PTPRD: variants seen among roughly 807,000 people sequenced by gnomAD.
PTPRD encodes protein tyrosine phosphatase receptor type D.
PTPRD carries 34 observed loss-of-function variants against 214.5 expected under a neutral mutation model. That is an observed-to-expected ratio of 0.16 (90% confidence interval 0.12 to 0.21). The LOEUF (loss-of-function observed/expected upper bound fraction) is 0.21. Ranked by LOEUF, PTPRD falls within the 10% of genes least tolerant of loss-of-function variation. The pLI, the probability that PTPRD is intolerant of heterozygous loss-of-function variation, is 1.00. For synonymous variants in PTPRD, 1,128 were observed against 845.7 expected, an observed-to-expected ratio of 1.33 and a Z score of -5.79; for missense variants, 2,545 against 2,398.7, an observed-to-expected ratio of 1.06 and a Z score of -1.27.
intron 20 of PTPRD, among the ~76,000 whole-genome samples, chr9:8,520,920 C>G (rs1379210487): frequency 6.6e-6 from 1 of 151,598 alleles, no homozygotes; most frequent in Admixed American, 6.6e-5. Context: ...ATTGACTTTT[C>G]TTGGGGTTCT....
chr9:9,365,827 C>G (rs2057734356), intron 9 of PTPRD, among the ~76,000 whole-genome samples: 1 of 151,306 alleles, frequency 6.6e-6, no homozygotes, highest in South Asian at 2.1e-4. Context: ...ATCTATAACC[C>G]TTAGAATATC....
At chr9:8,647,483 A>G (rs370344999) in intron 12 of PTPRD, among the ~76,000 whole-genome samples, 2 of 152,200 alleles carry the variant, frequency 1.3e-5, no homozygotes, top group East Asian at 1.9e-4. Context: ...ATGACCACAA[A>G]TAAATTCATC....
At chr9:8,782,898 C>T (rs1037971386) in intron 11 of PTPRD, among the ~76,000 whole-genome samples, 4 of 152,076 alleles carry the variant, frequency 2.6e-5, no homozygotes, top group African/African-American at 9.7e-5. Flanking sequence ...GCCTGGCCTA[C>T]ACTTCTTTTT....
In PTPRD at chr9:9,435,924, G is replaced by C. The variant is rs1160266188; in HGVS notation, c.-236-38442C>G. 4.6e-5 allele frequency among the ~76,000 whole-genome samples: 7 copies of C among 152,114 alleles called. No individual in the cohort carries two copies. In the South Asian group the frequency reaches 8.3e-4, roughly 18 times the overall value. ...AGATGTCTGGCACAAAAAGTAAATA[G>C]TGTATGTATTAGAAACTTCTTTAGC... is the stretch of plus-strand genomic sequence containing the variant. On this transcript the variant is annotated intron_variant, in intron 8 of 45. Coordinates refer to ENST00000381196, the MANE Select transcript of PTPRD (RefSeq NM_002839.4).
chr9:8,536,179 CAT>C (rs2076888207), intron 14 of PTPRD, among the ~76,000 whole-genome samples: 1 of 151,818 alleles, frequency 6.6e-6, no homozygotes, highest in African/African-American at 2.4e-5. Flanking sequence ...TTTATTGTGT[CAT>C]GTTTCCTCTA....
rs371951111 is a variant in PTPRD, at chr9:9,968,378, C to T, written c.-471-29768G>A. On this transcript the variant is annotated intron_variant, in intron 4 of 45. Transcript: ENST00000381196. ...TTATTAAGAAACATATTTTAAGATA[C>T]GCTTTGAGTAAATGTAACAGCAAGA... 1.1e-3 allele frequency among the ~76,000 whole-genome samples: 172 copies of T among 152,230 alleles called. 4 individuals are homozygous for T. In the South Asian group the frequency reaches 0.033, roughly 29 times the overall value.
chr9:10,316,128 T>TAC (rs1356733968), intron 3 of PTPRD, among the ~76,000 whole-genome samples: 1 of 144,134 alleles, frequency 6.9e-6, no homozygotes, highest in South Asian at 2.2e-4. Flanking sequence ...TATATATATA[T>TAC]ACATATATAC....
chr9:9,514,881 C>T (rs1308593585), intron 8 of PTPRD, among the ~76,000 whole-genome samples: 1 of 152,022 alleles, frequency 6.6e-6, no homozygotes, highest in Non-Finnish European at 1.5e-5. Context: ...TTGGTGGTCT[C>T]TCATTAAATT....
In PTPRD at chr9:10,449,821, G is replaced by C. The variant is rs555511067; in HGVS notation, c.-599-108804C>G. ...AGAAAAGGGGGAAATGTGGGGAAAA[G>C]AAAGAGAGATCAGATTGTTACTGTG... On this transcript the variant is annotated intron_variant, in intron 2 of 45. Coordinates refer to ENST00000381196, the MANE Select transcript of PTPRD (RefSeq NM_002839.4). Among the ~76,000 whole-genome samples, 171 of 151,962 alleles carry C rather than the reference G, an allele frequency of 1.1e-3. 3 individuals carry two copies. Among genetic ancestry groups the C allele is most frequent in the Admixed American group, 3.3e-3 (50 of 15,296 alleles).
chr9:9,753,270 G>T (rs1026741549), intron 6 of PTPRD, among the ~76,000 whole-genome samples: 1 of 151,938 alleles, frequency 6.6e-6, no homozygotes, highest in Non-Finnish European at 1.5e-5. Flanking sequence ...TCATAGCCCA[G>T]AACCAAAACG....
chr9:10,061,189 A>G (rs2097772732), intron 3 of PTPRD, among the ~76,000 whole-genome samples: 1 of 151,944 alleles, frequency 6.6e-6, no homozygotes, highest in Non-Finnish European at 1.5e-5. Flanking sequence ...CTACCCTCCT[A>G]TGTAACAATG....
intron 14 of PTPRD, among the ~76,000 whole-genome samples, chr9:8,590,175 A>T (rs2154263229): frequency 6.6e-6 from 1 of 152,288 alleles, no homozygotes; most frequent in East Asian, 1.9e-4. Context: ...AATAGAAACC[A>T]GATGGTCCAA....
At chr9:8,495,093 C>T (rs2097232653) in intron 26 of PTPRD, among the ~76,000 whole-genome samples, 1 of 152,128 alleles carries the variant, frequency 6.6e-6, no homozygotes, top group South Asian at 2.1e-4. Context: ...GCCCATATTC[C>T]TGATTTATTT....
chr9:9,084,502 T>C (rs55993853), intron 10 of PTPRD, among the ~76,000 whole-genome samples: 1,926 of 152,246 alleles, frequency 0.013, 34 homozygotes, highest in African/African-American at 0.044. Flanking sequence ...TGTATACCTA[T>C]GTAACAAACC....
chr9:10,398,639 A>C (rs987153723), intron 2 of PTPRD, among the ~76,000 whole-genome samples: 1 of 152,000 alleles, frequency 6.6e-6, no homozygotes, highest in Non-Finnish European at 1.5e-5. Flanking sequence ...ATTCAGTGTA[A>C]AAATATATTT....
intron 3 of PTPRD, among the ~76,000 whole-genome samples, chr9:10,200,950 T>C (rs1239716218): frequency 6.6e-6 from 1 of 152,064 alleles, no homozygotes; most frequent in East Asian, 1.9e-4. Flanking sequence ...CATGAGTCAT[T>C]GGCACCTAGA....
intron 3 of PTPRD, among the ~76,000 whole-genome samples, chr9:10,155,252 G>C (rs1401443275): frequency 6.6e-6 from 1 of 151,944 alleles, no homozygotes; most frequent in Non-Finnish European, 1.5e-5. Flanking sequence ...CAGTTTGACG[G>C]TTATTGGCAT....
intron 5 of PTPRD, among the ~76,000 whole-genome samples, chr9:9,848,294 A>G (rs911614771): frequency 6.6e-6 from 1 of 152,084 alleles, no homozygotes; most frequent in Non-Finnish European, 1.5e-5. Flanking sequence ...CCTTAATGCT[A>G]TATCTTAGCT....
chr9:10,489,420 G>C (rs997877181), intron 2 of PTPRD, among the ~76,000 whole-genome samples: 1 of 152,114 alleles, frequency 6.6e-6, no homozygotes, highest in Non-Finnish European at 1.5e-5. Flanking sequence ...CATGCAGCCT[G>C]GGGTCAGGGG....
Sources: allele counts gnomAD v4.1 joint callset (sites outside exome capture counted in the v4.1 genomes callset), GRCh38; gene constraint gnomAD v4.1.1; transcripts MANE v1.5; gene names NCBI Gene and HGNC (gene_info 2026-07-23, HGNC 2026-07-21).